The following GRIA1 variants were observed in gnomAD, a reference collection of about 807,000 sequenced individuals.
The protein encoded by GRIA1 is glutamate ionotropic receptor AMPA type subunit 1.
In GRIA1, 31 loss-of-function variants were observed where a neutral mutation model predicts 99.2. The observed-to-expected ratio is 0.31, with a 90% CI of 0.23 to 0.42. GRIA1 has a LOEUF of 0.42. Among genes scored for constraint, GRIA1 ranks in the 10% least tolerant of loss-of-function variants. The probability of loss-of-function intolerance (pLI) is 1.00; values close to 1 mark genes in which losing one functional copy is unlikely to be tolerated. For synonymous variants in GRIA1, 438 were observed against 432.4 expected, an observed-to-expected ratio of 1.01 and a Z score of -0.16; for missense variants, 782 against 1,157.5, an observed-to-expected ratio of 0.68 and a Z score of 4.71.
At chr5:153,590,506 A>ATGTGTGTGTGTGTG in intron 2 of GRIA1, among the ~76,000 whole-genome samples, 1 of 147,844 alleles carries the variant, frequency 6.8e-6, no homozygotes, top group Non-Finnish European at 1.5e-5. Flanking sequence ...AGCTATTGAA[A>ATGTGTGTGTGTGTG]TGTGTGTGTG....
chr5:153,707,096 G>A (rs541492159), intron 11 of GRIA1, among the ~76,000 whole-genome samples: 2 of 152,188 alleles, frequency 1.3e-5, no homozygotes, highest in African/African-American at 4.8e-5. Context: ...TCCAGCCTGG[G>A]TGACAGAGTG....
upstream of GRIA1, chr5:153,489,871 C>T (rs745999490): frequency 7.2e-5 from 33 of 456,246 alleles, no homozygotes; most frequent in East Asian, 1.4e-4. Flanking sequence ...TACACCCACA[C>T]GATTCTGATG....
intron 5 of GRIA1, among the ~76,000 whole-genome samples, chr5:153,668,522 A>G (rs1432920296): frequency 6.6e-6 from 1 of 152,230 alleles, no homozygotes; most frequent in Non-Finnish European, 1.5e-5. Context: ...CTATATGCTA[A>G]ATAGTAATAG....
chr5:153,651,910 A>C (rs2149460143), intron 4 of GRIA1, among the ~76,000 whole-genome samples: 2 of 152,356 alleles, frequency 1.3e-5, no homozygotes, highest in East Asian at 1.9e-4. Flanking sequence ...TCCCAGCTCT[A>C]GTATTTACTG....
At chr5:153,598,897 T>C (rs1764648271) in intron 2 of GRIA1, among the ~76,000 whole-genome samples, 1 of 152,186 alleles carries the variant, frequency 6.6e-6, no homozygotes, top group Non-Finnish European at 1.5e-5. Flanking sequence ...TTTTATTTTA[T>C]TTGAGACAGA....
At chr5:153,752,197 G>A (rs1762551323) in intron 11 of GRIA1, among the ~76,000 whole-genome samples, 1 of 152,148 alleles carries the variant, frequency 6.6e-6, no homozygotes, top group Admixed American at 6.5e-5. Flanking sequence ...GGCAAAAGTT[G>A]GGGAAGTTTA....
chr5:153,754,807 G>A (rs770509541), intron 11 of GRIA1, among the ~76,000 whole-genome samples: 1 of 152,182 alleles, frequency 6.6e-6, no homozygotes, highest in Non-Finnish European at 1.5e-5. Context: ...GCTCCATGCT[G>A]AGCACTGGAG....
chr5:153,738,566 C>A (rs916041610), intron 11 of GRIA1, among the ~76,000 whole-genome samples: 3 of 152,066 alleles, frequency 2.0e-5, no homozygotes, highest in Non-Finnish European at 2.9e-5. Flanking sequence ...CTATTCCTCA[C>A]CCCCTGCATC....
At chr5:153,513,362 G>T (rs1014764823) in intron 2 of GRIA1, among the ~76,000 whole-genome samples, 25 of 152,066 alleles carry the variant, frequency 1.6e-4, no homozygotes, top group African/African-American at 6.0e-4. Flanking sequence ...AAGAAAATAT[G>T]CACATCTGTT....
chr5:153,500,554 C>T (rs533608485), intron 2 of GRIA1, among the ~76,000 whole-genome samples: 30 of 147,078 alleles, frequency 2.0e-4, no homozygotes, highest in Non-Finnish European at 3.7e-4. Context: ...TAGGCATAAA[C>T]CAAATCTGCC....
chr5:153,758,639 A>G lies in GRIA1; in HGVS notation c.1824-5795A>G, dbSNP rs960181820. Among the ~76,000 whole-genome samples the G allele has an allele frequency of 2.0e-5, 3 of 152,134 alleles. No individual in the cohort carries two copies. The South Asian group carries it at 6.2e-4, about 31-fold the overall frequency. On this transcript the variant is annotated intron_variant, in intron 11 of 15. Coordinates refer to ENST00000285900, the MANE Select transcript of GRIA1 (RefSeq NM_000827.4). The stretch of plus-strand genomic sequence containing the variant: ...GAGAAACTTCAACACTTTCCACAAT[A>G]GAGAGATCATCCAGACAGACGATAA...
chr5:153,787,973 G>A lies in GRIA1; in HGVS notation c.2271-6648G>A, dbSNP rs151131224. Among the ~76,000 whole-genome samples, 1,011 of 152,166 alleles carry A rather than the reference G, an allele frequency of 6.6e-3. 14 individuals carry two copies. The highest frequency in any genetic ancestry group is 0.019 in the African/African-American group (793 of 41,510). ...CAGGCGCCTGTAGTCCCAGCTACTC[G>A]GGAGGCTGAGGCAGGAAAATGGCAT... On this transcript the variant is annotated intron_variant, in intron 13 of 15. Transcript: ENST00000285900.
At chr5:153,689,020 T>G (rs1581473634) in intron 8 of GRIA1, among the ~76,000 whole-genome samples, 1 of 151,380 alleles carries the variant, frequency 6.6e-6, no homozygotes, top group East Asian at 1.9e-4. Flanking sequence ...GCCCCCAGGC[T>G]TTTTTTTCTT....
At chr5:153,807,281 C>G (rs1321650524) in intron 15 of GRIA1, among the ~76,000 whole-genome samples, 2 of 152,180 alleles carry the variant, frequency 1.3e-5, no homozygotes, top group Non-Finnish European at 2.9e-5. Context: ...ACTGGGGATA[C>G]AGTCAAGAAC....
In GRIA1 at chr5:153,600,681, G is replaced by A. The variant is rs572057930; in HGVS notation, c.221-46247G>A. On this transcript the variant is annotated intron_variant, in intron 2 of 15. Coordinates refer to ENST00000285900, the MANE Select transcript of GRIA1 (RefSeq NM_000827.4). ...TGTCTGTTTCTTGCCAGGCTGGGGG[G>A]CCAAAGGGAAACTGGGAGAAGAAGC... 7.9e-5 allele frequency among the ~76,000 whole-genome samples: 12 copies of A among 152,254 alleles called. No individual in the cohort carries two copies. The East Asian group carries it at 1.9e-3, about 25-fold the overall frequency.
chr5:153,589,511 C>T (rs911102279), intron 2 of GRIA1, among the ~76,000 whole-genome samples: 3 of 152,144 alleles, frequency 2.0e-5, no homozygotes, highest in Non-Finnish European at 2.9e-5. Flanking sequence ...ATGTTAGAAA[C>T]TTCTCATACT....
At chr5:153,523,175 T>C (rs1317418279) in intron 2 of GRIA1, among the ~76,000 whole-genome samples, 1 of 152,220 alleles carries the variant, frequency 6.6e-6, no homozygotes, top group African/African-American at 2.4e-5. Flanking sequence ...GGGCAATCCG[T>C]AATTCACTTC....
intron 11 of GRIA1, among the ~76,000 whole-genome samples, chr5:153,726,975 C>T (rs1407503314): frequency 6.6e-6 from 1 of 152,104 alleles, no homozygotes; most frequent in Non-Finnish European, 1.5e-5. Flanking sequence ...AACATTGATG[C>T]AAAAATCCTC....
intron 13 of GRIA1, among the ~76,000 whole-genome samples, chr5:153,786,549 A>G (rs1382418850): frequency 6.6e-6 from 1 of 151,998 alleles, no homozygotes; most frequent in Non-Finnish European, 1.5e-5. Context: ...GTAAGTACCT[A>G]CAATGCTTAA....
Sources: gnomAD v4.1 joint callset for allele counts (sites outside exome capture counted in the v4.1 genomes callset) on GRCh38, gnomAD v4.1.1 for gene constraint, MANE v1.5 for transcripts, NCBI Gene and HGNC (gene_info 2026-07-23, HGNC 2026-07-21) for gene names.